ASTN2: variants seen among roughly 807,000 people sequenced by gnomAD.
ASTN2 encodes astrotactin 2, also known as astrotactin-2.
In ASTN2, 54 loss-of-function variants were observed where a neutral mutation model predicts 139.8. The ratio of observed to expected loss-of-function variants is 0.39; its 90% CI spans 0.31 to 0.48. The LOEUF is 0.48. Ranked by LOEUF, ASTN2 falls within the 20% of genes least tolerant of loss-of-function variation. The pLI is 0.95. For synonymous variants in ASTN2, 756 were observed against 719.5 expected (o/e 1.05, Z -0.81); for missense variants, 1,565 against 1,725.1 (o/e 0.91, Z 1.64).
chr9:117,384,149 C>A (rs544760580), intron 1 of ASTN2, among the ~76,000 whole-genome samples: 2 of 152,092 alleles, frequency 1.3e-5, no homozygotes, highest in African/African-American at 4.8e-5. Flanking sequence ...TGCGTGACTG[C>A]AAATCATAGT....
chr9:116,773,271 C>T (rs960902259), intron 13 of ASTN2, among the ~76,000 whole-genome samples: 1 of 152,212 alleles, frequency 6.6e-6, no homozygotes, highest in Admixed American at 6.5e-5. Context: ...TCTGAGCTAA[C>T]ATTTACCTGC....
At chr9:117,348,541 G>T (rs1257372451) in intron 1 of ASTN2, among the ~76,000 whole-genome samples, 2 of 152,142 alleles carry the variant, frequency 1.3e-5, no homozygotes, top group Admixed American at 1.3e-4. Context: ...TCTATTTACT[G>T]TAAAGTTGCT....
intron 2 of ASTN2, among the ~76,000 whole-genome samples, chr9:117,225,574 T>TATATATATATATATATACATATAC (rs371374987): frequency 1.3e-5 from 1 of 77,946 alleles, no homozygotes; most frequent in Non-Finnish European, 2.6e-5. Flanking sequence ...TATATATATA[T>TATATATATATATATATACATATAC]ACAGATGAAC....
chr9:117,089,153 C>T (rs953804223), intron 5 of ASTN2, among the ~76,000 whole-genome samples: 7 of 152,194 alleles, frequency 4.6e-5, no homozygotes, highest in African/African-American at 1.7e-4. Flanking sequence ...TAAACTACAA[C>T]GGGGCTCAGT....
intron 19 of ASTN2, among the ~76,000 whole-genome samples, chr9:116,550,008 C>A (rs1162660937): frequency 1.3e-5 from 2 of 152,178 alleles, no homozygotes; most frequent in Non-Finnish European, 1.5e-5. Context: ...TTTCAAATCC[C>A]ACAAACACAC....
chr9:116,634,182 A>G (rs964488991), intron 17 of ASTN2, among the ~76,000 whole-genome samples: 2 of 152,240 alleles, frequency 1.3e-5, no homozygotes, highest in African/African-American at 4.8e-5. Flanking sequence ...GATCATGTAT[A>G]AAGTGCCTAA....
intron 5 of ASTN2, among the ~76,000 whole-genome samples, chr9:117,094,174 G>A (rs575387561): frequency 4.5e-5 from 5 of 112,010 alleles, no homozygotes; most frequent in Admixed American, 3.6e-4. Flanking sequence ...AAGGGAGGAA[G>A]GGAGGGAGGG....
chr9:116,468,206 G>A (rs773499080), intron 20 of ASTN2, among the ~76,000 whole-genome samples: 21 of 152,156 alleles, frequency 1.4e-4, no homozygotes, highest in Admixed American at 2.6e-4. Flanking sequence ...TCATATACTA[G>A]TGGCACTCCC....
At chr9:116,923,308 C>T (rs1834665145) in intron 10 of ASTN2, among the ~76,000 whole-genome samples, 1 of 152,192 alleles carries the variant, frequency 6.6e-6, no homozygotes, top group Non-Finnish European at 1.5e-5. Flanking sequence ...CACTGAAGGA[C>T]AGAAGCTTTG....
At chr9:116,757,531 A>G (rs1829564890) in intron 13 of ASTN2, among the ~76,000 whole-genome samples, 1 of 152,116 alleles carries the variant, frequency 6.6e-6, no homozygotes, top group African/African-American at 2.4e-5. Flanking sequence ...GTGTTCATGC[A>G]GACATATTAG....
chr9:116,671,306 C>T (rs1393000420), intron 16 of ASTN2, among the ~76,000 whole-genome samples: 1 of 152,012 alleles, frequency 6.6e-6, no homozygotes, highest in Non-Finnish European at 1.5e-5. Context: ...TTAAAATGCT[C>T]TTTTATAATT....
intron 13 of ASTN2, among the ~76,000 whole-genome samples, chr9:116,775,814 A>AGGAGGAG: frequency 9.2e-6 from 1 of 108,730 alleles, no homozygotes; most frequent in South Asian, 3.1e-4. Context: ...GAAGGAAGAA[A>AGGAGGAG]GGAAGGAAGA....
intron 10 of ASTN2, among the ~76,000 whole-genome samples, chr9:116,965,975 G>C (rs978145349): frequency 5.3e-5 from 8 of 152,202 alleles, no homozygotes; most frequent in African/African-American, 1.9e-4. Context: ...CTTACAGGAA[G>C]CTGAGCGGGA....
intron 18 of ASTN2, 83 bp downstream of exon 18, chr9:116,620,227 C>G: frequency 6.3e-7 from 1 of 1,595,674 alleles, no homozygotes; most frequent in Admixed American, 1.7e-5. Flanking sequence ...GGAGCAGAAG[C>G]AAGTCATGGC....
chr9:116,588,630 C>G (rs922346555), intron 19 of ASTN2, among the ~76,000 whole-genome samples: 1 of 141,008 alleles, frequency 7.1e-6, no homozygotes, highest in African/African-American at 2.7e-5. Context: ...TGGGATGATA[C>G]ACTTCCTATT....
chr9:116,798,950 T>C (rs1225136091), intron 13 of ASTN2, among the ~76,000 whole-genome samples: 6 of 152,134 alleles, frequency 3.9e-5, no homozygotes, highest in African/African-American at 1.4e-4. Context: ...GATACATTCA[T>C]TTCCTTTTAT....
chr9:117,391,902 C>CAG (rs1383691697), intron 1 of ASTN2, among the ~76,000 whole-genome samples: 1 of 152,136 alleles, frequency 6.6e-6, no homozygotes. Context: ...AAAGGGGATA[C>CAG]AGGCCCCATG....
intron 11 of ASTN2, among the ~76,000 whole-genome samples, chr9:116,858,487 C>A (rs888920658): frequency 1.3e-5 from 2 of 152,230 alleles, no homozygotes; most frequent in African/African-American, 4.8e-5. Context: ...GTCCTCCATA[C>A]GATGCTGTGA....
At chr9:117,339,370 C>T (rs1357870350) in intron 1 of ASTN2, among the ~76,000 whole-genome samples, 1 of 152,032 alleles carries the variant, frequency 6.6e-6, no homozygotes, top group Non-Finnish European at 1.5e-5. Context: ...GCCGCAGAGG[C>T]AGAAAGAGGC....
Sources: allele counts gnomAD v4.1 joint callset (sites outside exome capture counted in the v4.1 genomes callset), GRCh38; gene constraint gnomAD v4.1.1; transcripts MANE v1.5; gene names NCBI Gene and HGNC (gene_info 2026-07-23, HGNC 2026-07-21).